ALPL: variants seen among roughly 807,000 people sequenced by gnomAD.
ALPL encodes alkaline phosphatase, biomineralization associated, also known as alkaline phosphatase, tissue-nonspecific isozyme.
ALPL carries 42 observed loss-of-function variants against 51.3 expected under a neutral mutation model. The ratio of observed to expected loss-of-function variants is 0.82; its 90% CI spans 0.64 to 1.06. The LOEUF (loss-of-function observed/expected upper bound fraction) is 1.06, where lower values mean the gene tolerates loss of function less well. Among genes scored for constraint, ALPL ranks in the 50% least tolerant of loss-of-function variants. The probability of loss-of-function intolerance (pLI) is 0.00; values close to 1 mark genes in which losing one functional copy is unlikely to be tolerated. For missense variants in ALPL, 589 were observed against 709.4 expected (o/e 0.83, Z 1.93); for synonymous variants, 279 against 296.4 (o/e 0.94, Z 0.60).
intron 1 of ALPL, among the ~76,000 whole-genome samples, chr1:21,552,604 G>A (rs999399315): frequency 6.6e-6 from 1 of 152,086 alleles, no homozygotes; most frequent in African/African-American, 2.4e-5. Flanking sequence ...TAGAGACAGG[G>A]TCTCGCTGTG....
intron 6 of ALPL, among the ~76,000 whole-genome samples, chr1:21,566,986 A>G (rs1644574111): frequency 6.6e-6 from 1 of 152,160 alleles, no homozygotes; most frequent in Non-Finnish European, 1.5e-5. Flanking sequence ...GTTCAAACCC[A>G]AGTCTGACTT....
At chr1:21,546,141 G>A (rs1286082318) in intron 1 of ALPL, among the ~76,000 whole-genome samples, 3 of 152,098 alleles carry the variant, frequency 2.0e-5, no homozygotes, top group African/African-American at 7.2e-5. Context: ...TATCAATAGG[G>A]CTAATAATCC....
chr1:21,535,216 CTCACTTGGGG>C (rs1477590720), intron 1 of ALPL, among the ~76,000 whole-genome samples: 1 of 152,248 alleles, frequency 6.6e-6, no homozygotes, highest in Non-Finnish European at 1.5e-5. Flanking sequence ...GCTGGGACAG[CTCACTTGGGG>C]TGACGAGGTC....
At chr1:21,567,542 C>T (rs1325802519) in intron 6 of ALPL, among the ~76,000 whole-genome samples, 4 of 152,212 alleles carry the variant, frequency 2.6e-5, no homozygotes, top group Admixed American at 6.5e-5. Context: ...TTCAGCCTTC[C>T]ACCGTGGGAG....
chr1:21,537,676 G>A (rs1359468549), intron 1 of ALPL, among the ~76,000 whole-genome samples: 2 of 152,214 alleles, frequency 1.3e-5, no homozygotes, highest in Admixed American at 6.5e-5. Flanking sequence ...ATTGGTGACC[G>A]AGGTTGTCCT....
chr1:21,576,539 A>T lies in ALPL; in HGVS notation c.1207A>T (p.Ser403Cys), dbSNP rs1216428237. ...NSIFGLAPML[S>C]DTDKKPFTAI... ...CTGTGCAGGTCTGGCCCCCATGCTG[A>T]GTGACACAGACAAGAAGCCCTTCAC... The change falls in exon 11 of 12, where the codon AGT becomes TGT. Residue 403 changes from serine (S) to cysteine (C), a missense_variant. Physicochemically the swap from Ser to Cys is moderately radical, Grantham distance 112 (BLOSUM62 -1). Coordinates refer to ENST00000374840, the MANE Select transcript of ALPL (RefSeq NM_000478.6). 1 of 1,613,874 alleles carries T rather than the reference A, an allele frequency of 6.2e-7. No homozygotes were observed. The highest frequency in any genetic ancestry group is 8.5e-7 in the Non-Finnish European group (1 of 1,179,908).
chr1:21,570,330 C>T lies in ALPL; in HGVS notation c.818C>T (p.Thr273Met), dbSNP rs148405563. The T allele has an allele frequency of 8.7e-4, 1,404 of 1,613,976 alleles. 21 individuals are homozygous for T. Among genetic ancestry groups the T allele is most frequent in the Admixed American group, 2.3e-4 (14 of 60,000 alleles). The change falls in exon 8 of 12, where the codon ACG becomes ATG. Residue 273 changes from threonine to methionine, a missense_variant. Physicochemically the swap from Thr to Met is moderately conservative, Grantham distance 81 (BLOSUM62 -1). Coordinates refer to ENST00000374840, the MANE Select transcript of ALPL (RefSeq NM_000478.6). ...YKHSHFIWNR[T>M]ELLTLDPHNV... ...CACTCCCACTTCATCTGGAACCGCA[C>T]GGAACTCCTGACCCTTGACCCCCAC...
Position 21,577,799 on chromosome 1 carries a change from C to A in ALPL, c.*151C>A. On this transcript the variant is annotated 3_prime_UTR_variant, in exon 12 of 12. Transcript: ENST00000374840. ...AGAAACCAAAGTCTGCCGCCCACCT[C>A]GCTCCCCTCTGGAATCTTCCCCAAG... The A allele has an allele frequency of 9.4e-7, 1 of 1,065,598 alleles. No individual in the cohort carries two copies. The highest frequency in any genetic ancestry group is 1.3e-6 in the Non-Finnish European group (1 of 754,100). The allele number at this position is 1,065,598 out of a possible 1,614,324, so 66.0% of individuals were successfully genotyped here.
At chr1:21,511,491 T>C (rs1643686451) in intron 1 of ALPL, among the ~76,000 whole-genome samples, 1 of 152,222 alleles carries the variant, frequency 6.6e-6, no homozygotes, top group African/African-American at 2.4e-5. Context: ...AGCTCTCTTC[T>C]CAGCAGAAAA....
At chr1:21,557,118 C>T (rs916743021) in intron 2 of ALPL, among the ~76,000 whole-genome samples, 1 of 151,810 alleles carries the variant, frequency 6.6e-6, no homozygotes, top group Non-Finnish European at 1.5e-5. Flanking sequence ...TTTTTTTTTC[C>T]CCAGCATTTC....
rs1644530092 is a variant in ALPL at position 21,564,155 on chromosome 1, C to G, written c.587C>G (p.Ala196Gly). The G allele has an allele frequency of 1.2e-6, 2 of 1,614,078 alleles. No homozygotes were observed. Among genetic ancestry groups the G allele is most frequent in the Non-Finnish European group, 1.7e-6 (2 of 1,180,018 alleles). Residue 196 changes from alanine to glycine, a missense_variant, in exon 6 of 12, where the codon GCC becomes GGC. By Grantham distance (60) the Ala-to-Gly change is moderately conservative. Transcript: ENST00000374840. The surrounding 1 kb of genome is among the most constrained non-coding windows in gnomAD (Gnocchi z 5.8). ...WYSDNEMPPE[A>G]LSQGCKDIAY... ...TCAGACAACGAGATGCCCCCTGAGG[C>G]CTTGAGCCAGGGCTGTAAGGACATC...
In ALPL at chr1:21,568,229, C is replaced by T. The variant is rs753656794; in HGVS notation, c.774C>T (p.Ser258=). ...TGGACCTCGTTGACACCTGGAAGAG[C>T]TTCAAACCGAGATACAAGGTAGCCT... ...DGLDLVDTWK[S]FKPRYKHSHF... is the part of the protein sequence containing the mutation. The change falls in exon 7 of 12, where the codon AGC becomes AGT. Residue 258 remains serine (S), a synonymous_variant. Transcript: ENST00000374840. 1.9e-6 allele frequency: 3 copies of T among 1,613,942 alleles called. No homozygotes were observed. The highest frequency in any genetic ancestry group is 2.5e-6 in the Non-Finnish European group (3 of 1,180,008).
At chr1:21,517,495 G>C (rs1213115422) in intron 1 of ALPL, among the ~76,000 whole-genome samples, 1 of 148,868 alleles carries the variant, frequency 6.7e-6, no homozygotes, top group East Asian at 1.9e-4. Flanking sequence ...AAATGACATG[G>C]GGGTGGGAGG....
At position 21,563,212 on chromosome 1, in the gene ALPL, A is replaced by G; in HGVS notation, c.400A>G (p.Thr134Ala). 1.2e-6 allele frequency: 2 copies of G among 1,613,922 alleles called. No homozygotes were observed. The highest frequency in any genetic ancestry group is 1.7e-6 in the Non-Finnish European group (2 of 1,180,012). Residue 134 changes from threonine to alanine, a missense_variant, in exon 5 of 12, where the codon ACT becomes GCT. Thr to Ala is a moderately conservative substitution (Grantham distance 58). Transcript: ENST00000374840. ...NEGTVGVSAA[T>A]ERSRCNTTQG... Reference sequence around the variant, plus strand: ...GGGCACCGTGGGGGTAAGCGCAGCCACTGAGCGTTCCCGGTGCAACACCAC... The same window carrying G: ...GGGCACCGTGGGGGTAAGCGCAGCCGCTGAGCGTTCCCGGTGCAACACCAC...
At chr1:21,548,901 G>C (rs1321945872) in intron 1 of ALPL, among the ~76,000 whole-genome samples, 1 of 152,148 alleles carries the variant, frequency 6.6e-6, no homozygotes, top group East Asian at 1.9e-4. Flanking sequence ...CACTGCGTTT[G>C]ATTCTTTACA....
At chr1:21,512,678 G>A (rs1007115930) in intron 1 of ALPL, among the ~76,000 whole-genome samples, 2 of 152,136 alleles carry the variant, frequency 1.3e-5, no homozygotes, top group Non-Finnish European at 2.9e-5. Context: ...ATGATGCTCA[G>A]TGTCTGAAGA....
chr1:21,533,658 C>T (rs191774493), intron 1 of ALPL, among the ~76,000 whole-genome samples: 2 of 152,114 alleles, frequency 1.3e-5, no homozygotes, highest in Non-Finnish European at 2.9e-5. Context: ...CGGTGGCTCA[C>T]GCCTGTAATC....
chr1:21,558,916 C>A (rs1201614059), intron 2 of ALPL, among the ~76,000 whole-genome samples: 1 of 152,208 alleles, frequency 6.6e-6, no homozygotes, highest in Non-Finnish European at 1.5e-5. Flanking sequence ...TAATCTCAGG[C>A]TCTCCATTTC....
intron 1 of ALPL, among the ~76,000 whole-genome samples, chr1:21,549,406 T>C (rs1192463349): frequency 6.6e-6 from 1 of 152,178 alleles, no homozygotes; most frequent in East Asian, 1.9e-4. Context: ...AACAAGTTCC[T>C]GATTGTCTCC....
Sources: gnomAD v4.1 joint callset for allele counts (sites outside exome capture counted in the v4.1 genomes callset) on GRCh38, gnomAD v4.1.1 for gene constraint, Gnocchi (gnomAD v3.1) non-coding constraint, MANE v1.5 for transcripts, NCBI Gene and HGNC (gene_info 2026-07-23, HGNC 2026-07-21) for gene names.